Variants in CYP4V2 observed in about 807,000 individuals in gnomAD.
CYP4V2 encodes the protein cytochrome P450 family 4 subfamily V member 2.
Under a neutral mutation model 60.8 loss-of-function variants are expected in CYP4V2, and 55 were observed. The observed-to-expected ratio is 0.90, with a 90% CI of 0.73 to 1.13. The LOEUF (loss-of-function observed/expected upper bound fraction) is 1.13, where lower values mean the gene tolerates loss of function less well. Among genes scored for constraint, CYP4V2 ranks in the 50% most tolerant of loss-of-function variants. CYP4V2 has a pLI of 0.00. For synonymous variants in CYP4V2, 239 were observed against 236.8 expected (o/e 1.01, Z -0.08); for missense variants, 675 against 662.9 (o/e 1.02, Z -0.20).
intron 1 of CYP4V2, among the ~76,000 whole-genome samples, chr4:186,192,815 T>C (rs981246758): frequency 8.4e-4 from 128 of 152,218 alleles, no homozygotes; most frequent in African/African-American, 3.0e-3. Flanking sequence ...TACCCAGAAA[T>C]GAGAAGATTT....
intron 5 of CYP4V2, 135 bp from the exon 6 acceptor site, chr4:186,198,822 A>G (rs1391171959): frequency 6.7e-6 from 9 of 1,343,884 alleles, no homozygotes; most frequent in South Asian, 2.4e-5. Context: ...AGCATAAAAC[A>G]TGGAGCTCTT....
Position 186,197,598 on chromosome 4 carries a change from T to C in CYP4V2, c.670T>C (p.Tyr224His), listed in dbSNP as rs1736191015. 2 of 1,614,074 alleles carry C rather than the reference T, an allele frequency of 1.2e-6. No individual in the cohort carries two copies. The highest frequency in any genetic ancestry group is 1.7e-5 in the Admixed American group (1 of 60,010). The part of the protein sequence containing the change: ...NDDSEYVRAV[Y>H]RMSEMIFRRI... The stretch of plus-strand genomic sequence containing the variant: ...TGATTCCGAGTATGTCCGTGCAGTT[T>C]ATAGGTAAATGGAGTCCTTTCAGTT... Residue 224 changes from tyrosine to histidine, a missense_variant, in exon 5 of 11, where the codon TAT becomes CAT. Tyr to His is a moderately conservative substitution (Grantham distance 83). Transcript: ENST00000378802.
rs1031391500 is a variant in CYP4V2 at position 186,211,987 on chromosome 4, TCA to T, written c.*1349_*1350del. 7.9e-5 allele frequency: 12 copies of T among 152,150 alleles called. No homozygotes were observed. Among genetic ancestry groups the T allele is most frequent in the African/African-American group, 2.9e-4 (12 of 41,436 alleles). The allele number at this position is 152,150 out of a possible 1,614,324, so 9.4% of individuals were successfully genotyped here. A position where few individuals can be genotyped will look rare whatever the true frequency, so the allele number is the denominator to read the frequency against. On this transcript the variant is annotated 3_prime_UTR_variant, in exon 11 of 11. Coordinates refer to ENST00000378802, the MANE Select transcript of CYP4V2 (RefSeq NM_207352.4). Reference sequence around the variant, plus strand: ...TAATCTCCAGTTTTTTCACAGTGCCTCACAGAGTTAATCATGCCTTTTGGAGC... The same window carrying T: ...TAATCTCCAGTTTTTTCACAGTGCCTCAGAGTTAATCATGCCTTTTGGAGC...
intron 6 of CYP4V2, 111 bp from the exon 7 acceptor site, chr4:186,201,046 T>C: frequency 8.9e-7 from 1 of 1,120,942 alleles, no homozygotes; most frequent in Middle Eastern, 2.6e-4. Context: ...AATGTTGAAA[T>C]AGGCTTAGAA....
At chr4:186,207,083 T>C (rs1268326859) in intron 8 of CYP4V2, among the ~76,000 whole-genome samples, 1 of 152,078 alleles carries the variant, frequency 6.6e-6, no homozygotes, top group Non-Finnish European at 1.5e-5. Flanking sequence ...TGCCTCACTT[T>C]TTCTTCTACC....
At chr4:186,209,460 A>G (rs972947186) in intron 10 of CYP4V2, among the ~76,000 whole-genome samples, 188 bp downstream of exon 10, 3 of 152,186 alleles carry the variant, frequency 2.0e-5, no homozygotes, top group Non-Finnish European at 4.4e-5. Context: ...GTATATTAGT[A>G]TATTCGCCTG....
Position 186,196,950 on chromosome 4 carries a change from A to C in CYP4V2, c.424A>C (p.Lys142Gln), listed in dbSNP as rs1328551235. 3 of 1,613,150 alleles carry C rather than the reference A, an allele frequency of 1.9e-6. No homozygotes were observed. Among genetic ancestry groups the C allele is most frequent in the Non-Finnish European group, 2.5e-6 (3 of 1,180,010 alleles). The change falls in exon 4 of 11, where the codon AAA (lysine) becomes CAA (glutamine). Residue 142 changes from lysine (K) to glutamine (Q), a missense_variant. By Grantham distance (53) the Lys-to-Gln change is moderately conservative. Transcript: ENST00000378802. ...GLGLLTSTGNKWRSRRKMLTP... is the reference protein window; with the variant it reads ...GLGLLTSTGNQWRSRRKMLTP... ...ATATTTTATTTCTAGTACTGGAAAC[A>C]AATGGCGCTCCAGGAGAAAGATGTT... is the stretch of plus-strand genomic sequence containing the variant.
At position 186,194,555 on chromosome 4, in the gene CYP4V2, G is replaced by A. The variant is rs192920673; in HGVS notation, c.270G>A (p.Leu90=). 194 of 1,614,214 alleles carry A rather than the reference G, an allele frequency of 1.2e-4. 2 individuals are homozygous for A. The Admixed American group carries it at 1.5e-3, about 12-fold the overall frequency. ...YTEEYRHMPL[L]KLWVGPVPMV... ...AGGAATACCGCCACATGCCGCTGCTGAAGCTCTGGGTCGGGCCAGTGCCCA... is the reference window on the plus strand; with the variant it reads ...AGGAATACCGCCACATGCCGCTGCTAAAGCTCTGGGTCGGGCCAGTGCCCA... The change falls in exon 2 of 11, where the codon CTG becomes CTA. Residue 90 remains leucine, a synonymous_variant. Transcript: ENST00000378802.
In CYP4V2 at chr4:186,197,578, C is replaced by G; in HGVS notation, c.650C>G (p.Ser217Cys). ...KNIGAQSNDD[S>C]EYVRAVYRMS... ...ATTGGTGCTCAAAGTAATGATGATTCCGAGTATGTCCGTGCAGTTTATAGG... is the reference window on the plus strand; with the variant it reads ...ATTGGTGCTCAAAGTAATGATGATTGCGAGTATGTCCGTGCAGTTTATAGG... The change falls in exon 5 of 11, where the codon TCC becomes TGC. Residue 217 changes from serine to cysteine, a missense_variant. By Grantham distance (112) the Ser-to-Cys change is moderately radical (BLOSUM62 -1). Transcript: ENST00000378802. 6.2e-7 allele frequency: 1 copy of G among 1,614,158 alleles called. No individual in the cohort carries two copies. Among genetic ancestry groups the G allele is most frequent in the Non-Finnish European group, 8.5e-7 (1 of 1,180,020 alleles).
chr4:186,201,253 C>A lies in CYP4V2; in HGVS notation c.898C>A (p.Leu300Ile). ...APSKNKRRAF[L>I]DLLLSVTDDE... Reference sequence around the variant, plus strand: ...CTCCAAAAATAAACGCAGGGCCTTTCTTGACTTGCTTTTAAGTGTGACTGA... The same window carrying A: ...CTCCAAAAATAAACGCAGGGCCTTTATTGACTTGCTTTTAAGTGTGACTGA... The change falls in exon 7 of 11, where the codon CTT becomes ATT. Residue 300 changes from leucine (L) to isoleucine (I), a missense_variant. Physicochemically the swap from Leu to Ile is conservative, Grantham distance 5. Transcript: ENST00000378802. 6.2e-7 allele frequency: 1 copy of A among 1,614,148 alleles called. No individual in the cohort carries two copies. Among genetic ancestry groups the A allele is most frequent in the Non-Finnish European group, 8.5e-7 (1 of 1,180,034 alleles).
rs182480786 is a variant in CYP4V2 at position 186,213,219 on chromosome 4, T to C, written c.*2578T>C. On this transcript the variant is annotated 3_prime_UTR_variant, in exon 11 of 11. Coordinates refer to ENST00000378802, the MANE Select transcript of CYP4V2 (RefSeq NM_207352.4). The stretch of plus-strand genomic sequence containing the variant: ...GAGTAGGAATTGAGAAATTATTTCA[T>C]ATGCTACAGTATTGAAATGTGGATG... 6.6e-6 allele frequency: 1 copy of C among 152,364 alleles called. No homozygotes were observed. The highest frequency in any genetic ancestry group is 1.9e-4 in the East Asian group (1 of 5,182). The allele number at this position is 152,364 out of a possible 1,614,324, so 9.4% of individuals were successfully genotyped here. A position where few individuals can be genotyped will look rare whatever the true frequency, so the allele number is the denominator to read the frequency against.
At position 186,198,948 on chromosome 4, in the gene CYP4V2, C is replaced by A; in HGVS notation, c.675-9C>A. 1 of 1,613,956 alleles carries A rather than the reference C, an allele frequency of 6.2e-7. No homozygotes were observed. Among genetic ancestry groups the A allele is most frequent in the South Asian group, 1.1e-5 (1 of 91,064 alleles). ...TACAACAGCTGATGTATTTTTATCC[C>A]ATTTATAGAATGAGTGAGATGATAT... On this transcript the variant is annotated splice_polypyrimidine_tract_variant and intron_variant, in intron 5 of 10. Coordinates refer to ENST00000378802, the MANE Select transcript of CYP4V2 (RefSeq NM_207352.4).
At chr4:186,209,300 C>T in intron 10 of CYP4V2, 28 bp downstream of exon 10, 1 of 1,613,584 alleles carries the variant, frequency 6.2e-7, no homozygotes, top group Non-Finnish European at 8.5e-7. Flanking sequence ...TTGGTTTGAC[C>T]TTTCAGGCCC....
rs1440908109 is a variant in CYP4V2 at position 186,211,596 on chromosome 4, GC to G, written c.*957del. The G allele has an allele frequency of 6.6e-6, 1 of 152,136 alleles. No individual in the cohort carries two copies. The highest frequency in any genetic ancestry group is 6.6e-5 in the Admixed American group (1 of 15,246). The allele number at this position is 152,136 out of a possible 1,614,324, so 9.4% of individuals were successfully genotyped here. A position where few individuals can be genotyped will look rare whatever the true frequency, so the allele number is the denominator to read the frequency against. ...CAAAGTGCTGGCATTACAGGCATGA[GC>G]CACCATGCCTGGCCCAAAGTTCTAG... On this transcript the variant is annotated 3_prime_UTR_variant, in exon 11 of 11. Transcript: ENST00000378802.
chr4:186,192,921 AACTC>A (rs991152637), intron 1 of CYP4V2, among the ~76,000 whole-genome samples: 1 of 150,072 alleles, frequency 6.7e-6, no homozygotes, highest in African/African-American at 2.4e-5. Context: ...AGCATTAACT[AACTC>A]CAAAGCTTGA....
chr4:186,191,876 C>T lies in CYP4V2; in HGVS notation c.53C>T (p.Ala18Val). ...TGGCAGAAGCTGCTGCTGTGGGGCG[C>T]GGCGAGTGCCCTTTCCCTGGCCGGC... ...LVWQKLLLWG[A>V]ASALSLAGAS... is the part of the protein sequence containing the mutation. The change falls in exon 1 of 11, where the codon GCG becomes GTG. Residue 18 changes from alanine to valine, a missense_variant. Ala to Val is a moderately conservative substitution (Grantham distance 64). Coordinates refer to ENST00000378802, the MANE Select transcript of CYP4V2 (RefSeq NM_207352.4). 6.3e-7 allele frequency: 1 copy of T among 1,587,742 alleles called. No individual in the cohort carries two copies. Among genetic ancestry groups the T allele is most frequent in the Non-Finnish European group, 8.5e-7 (1 of 1,171,880 alleles).
intron 6 of CYP4V2, 146 bp from the exon 7 acceptor site, chr4:186,201,011 T>G: frequency 4.8e-6 from 4 of 833,118 alleles, no homozygotes; most frequent in Non-Finnish European, 7.5e-6. Flanking sequence ...CTTTACTGTA[T>G]TTTCACAAGA....
chr4:186,209,397 G>T, intron 10 of CYP4V2, 125 bp downstream of exon 10: 2 of 1,233,110 alleles, frequency 1.6e-6, no homozygotes, highest in South Asian at 1.3e-5. Context: ...AAAATAGGTG[G>T]TTTCTTTTTT....
chr4:186,195,122 T>C lies in CYP4V2; in HGVS notation c.327+510T>C, dbSNP rs1736116176. Among the ~76,000 whole-genome samples, 1 of 152,184 alleles carries C rather than the reference T, an allele frequency of 6.6e-6. No homozygotes were observed. Among genetic ancestry groups the C allele is most frequent in the African/African-American group, 2.4e-5 (1 of 41,452 alleles). On this transcript the variant is annotated intron_variant, in intron 2 of 10. Transcript: ENST00000378802. The surrounding 1 kb of genome is among the most constrained non-coding windows in gnomAD (Gnocchi z 4.1). ...TGTAGTCTTTTTACTTGTTGAAAGG[T>C]CTGGGGAAATCATCTTGTAGTATGG...
Sources: allele counts gnomAD v4.1 joint callset (sites outside exome capture counted in the v4.1 genomes callset), GRCh38; gene constraint gnomAD v4.1.1; non-coding constraint Gnocchi (gnomAD v3.1); transcripts MANE v1.5; gene names NCBI Gene and HGNC (gene_info 2026-07-23, HGNC 2026-07-21).